The following SAMTOR variants were observed in gnomAD, a reference collection of about 807,000 sequenced individuals.
SAMTOR encodes the protein UPF0532 protein C7orf60.
the SAMTOR span, among the ~76,000 whole-genome samples, chr7:112,867,032 T>C: frequency 6.6e-6 from 1 of 152,244 alleles, no homozygotes; most frequent in African/African-American, 2.4e-5. Flanking sequence ...CAATTATACG[T>C]TTTTGTAATG....
chr7:112,919,934 C>T, the SAMTOR span, among the ~76,000 whole-genome samples: 9 of 152,132 alleles, frequency 5.9e-5, no homozygotes, highest in African/African-American at 2.2e-4. Context: ...CAATAACAGG[C>T]TCTGAAATTG....
chr7:112,868,286 G>T, the SAMTOR span, among the ~76,000 whole-genome samples: 57 of 152,304 alleles, frequency 3.7e-4, 1 homozygote, highest in South Asian at 0.011. Flanking sequence ...AAAATAGTGC[G>T]TAAAGATCAA....
the SAMTOR span, among the ~76,000 whole-genome samples, chr7:112,915,023 G>A: frequency 2.6e-5 from 4 of 151,998 alleles, no homozygotes; most frequent in East Asian, 1.9e-4. Flanking sequence ...GGCAGGTCAC[G>A]AGGTCAGGAG....
At chr7:112,866,812 A>G in the SAMTOR span, among the ~76,000 whole-genome samples, 4 of 152,166 alleles carry the variant, frequency 2.6e-5, no homozygotes, top group African/African-American at 9.7e-5. Flanking sequence ...AGTGTTTAAA[A>G]ATTTCCTTTG....
chr7:112,826,926 T>C, the SAMTOR span, among the ~76,000 whole-genome samples: 1 of 152,314 alleles, frequency 6.6e-6, no homozygotes, highest in African/African-American at 2.4e-5. Flanking sequence ...AATGTTTATG[T>C]TTCCTTGACA....
the SAMTOR span, among the ~76,000 whole-genome samples, chr7:112,840,415 C>T: frequency 5.9e-5 from 9 of 151,868 alleles, no homozygotes. Flanking sequence ...TTTGGGATCA[C>T]TTTTTTTCTG....
chr7:112,913,356 A>T, the SAMTOR span, among the ~76,000 whole-genome samples: 2 of 152,154 alleles, frequency 1.3e-5, no homozygotes, highest in Non-Finnish European at 2.9e-5. Flanking sequence ...CTGAGTCATT[A>T]CACTTATTTG....
At chr7:112,833,019 C>A in the SAMTOR span, among the ~76,000 whole-genome samples, 1 of 152,170 alleles carries the variant, frequency 6.6e-6, no homozygotes, top group African/African-American at 2.4e-5. Context: ...TCAAGTGATC[C>A]TCCAGCCTCA....
At chr7:112,868,256 C>G in the SAMTOR span, among the ~76,000 whole-genome samples, 3 of 152,260 alleles carry the variant, frequency 2.0e-5, no homozygotes, top group South Asian at 4.1e-4. Context: ...TCAGCATTAC[C>G]CATCCACTTG....
chr7:112,856,497 G>A, the SAMTOR span, among the ~76,000 whole-genome samples: 2 of 152,018 alleles, frequency 1.3e-5, no homozygotes, highest in African/African-American at 4.8e-5. Flanking sequence ...TGATCTACCT[G>A]CCTCGGCCTC....
the SAMTOR span, among the ~76,000 whole-genome samples, chr7:112,840,100 A>C: frequency 7.9e-5 from 12 of 152,012 alleles, no homozygotes; most frequent in African/African-American, 2.9e-4. Flanking sequence ...AGTTTTAACA[A>C]CACCCAGAGA....
the SAMTOR span, among the ~76,000 whole-genome samples, chr7:112,826,259 A>T: frequency 6.6e-6 from 1 of 152,098 alleles, no homozygotes; most frequent in East Asian, 1.9e-4. Context: ...TCTTCTGTAA[A>T]TATTTGGTAA....
the SAMTOR span, among the ~76,000 whole-genome samples, chr7:112,828,634 C>T: frequency 2.6e-5 from 4 of 151,758 alleles, no homozygotes; most frequent in South Asian, 2.1e-4. Context: ...TAATTCAACC[C>T]GAAACAATGG....
At chr7:112,883,293 C>A in the SAMTOR span, among the ~76,000 whole-genome samples, 3 of 152,126 alleles carry the variant, frequency 2.0e-5, no homozygotes, top group African/African-American at 7.2e-5. Flanking sequence ...TCCTTCCATC[C>A]TTTCCATCCT....
chr7:112,833,758 T>A, the SAMTOR span, among the ~76,000 whole-genome samples: 1 of 152,218 alleles, frequency 6.6e-6, no homozygotes, highest in African/African-American at 2.4e-5. Context: ...ATGGATTAGC[T>A]TAATAACTGA....
At chr7:112,931,867 T>C in the SAMTOR span, among the ~76,000 whole-genome samples, 79 of 152,274 alleles carry the variant, frequency 5.2e-4, no homozygotes, top group African/African-American at 1.9e-3. Context: ...GACTGATATA[T>C]TGGGGTTGAA....
chr7:112,889,660 A>G, the SAMTOR span, among the ~76,000 whole-genome samples: 1 of 152,190 alleles, frequency 6.6e-6, no homozygotes, highest in Non-Finnish European at 1.5e-5. Context: ...CAACTATAAA[A>G]CTATCCTGGA....
At chr7:112,901,259 T>C in the SAMTOR span, among the ~76,000 whole-genome samples, 149,170 of 152,274 alleles carry the variant, frequency 0.98, 73,121 homozygotes, top group East Asian at 1. Flanking sequence ...TGTTCCCCAT[T>C]GCTCGCATTA....
the SAMTOR span, among the ~76,000 whole-genome samples, chr7:112,898,838 C>CA: frequency 6.6e-6 from 1 of 152,196 alleles, no homozygotes; most frequent in Non-Finnish European, 1.5e-5. Flanking sequence ...GCTGGGAATT[C>CA]AGCAATCTGC....
Sources: gnomAD v4.1 joint callset for allele counts (sites outside exome capture counted in the v4.1 genomes callset) on GRCh38, gnomAD v4.1.1 for gene constraint, MANE v1.5 for transcripts, NCBI Gene and HGNC (gene_info 2026-07-23, HGNC 2026-07-21) for gene names.